Variants in FARP1 observed in about 807,000 individuals in gnomAD.
FARP1 encodes FERM, ARHGEF and pleckstrin domain-containing protein 1.
FARP1 carries 52 observed loss-of-function variants against 128.8 expected under a neutral mutation model. The ratio of observed to expected loss-of-function variants is 0.40; its 90% CI spans 0.32 to 0.51. The LOEUF is 0.51. Among genes scored for constraint, FARP1 ranks in the 20% least tolerant of loss-of-function variants. The pLI, the probability that FARP1 is intolerant of heterozygous loss-of-function variation, is 0.45. For missense variants in FARP1, 1,333 were observed against 1,367.9 expected (o/e 0.97, Z 0.40); for synonymous variants, 580 against 551.8 (o/e 1.05, Z -0.72).
At position 98,256,979 on chromosome 13, in the gene FARP1, A is replaced by G. The variant is rs1377519649; in HGVS notation, c.171+43566A>G. Among the ~76,000 whole-genome samples the G allele has an allele frequency of 1.0e-4, 14 of 136,510 alleles. 1 individual carries two copies. Among genetic ancestry groups the G allele is most frequent in the South Asian group, 6.9e-4 (3 of 4,328 alleles). 89.6% of individuals were successfully genotyped at this position (136,510 alleles called of 152,430 possible). On this transcript the variant is annotated intron_variant, in intron 2 of 26. Coordinates refer to ENST00000319562, the MANE Select transcript of FARP1 (RefSeq NM_005766.4). ...TATATATATATATATATATATATAT[A>G]TATATATATATACCGAAAGATTTCC... is the stretch of plus-strand genomic sequence containing the variant.
intron 18 of FARP1, chr13:98,435,343 C>T (rs1317272482): frequency 3.0e-5 from 12 of 403,142 alleles, no homozygotes; most frequent in Admixed American, 8.4e-5. Flanking sequence ...CTGTATGCCA[C>T]GTCACCATGC....
At chr13:98,234,463 A>G (rs1291025576) in intron 2 of FARP1, 1 of 152,234 alleles carries the variant, frequency 6.6e-6, no homozygotes, top group Non-Finnish European at 1.5e-5. Context: ...AAATATTTTT[A>G]AATGCTCAAA....
rs1173788777 is a variant in FARP1, at chr13:98,264,910, T to C, written c.171+51497T>C. On this transcript the variant is annotated intron_variant, in intron 2 of 26. Transcript: ENST00000319562. ...TCTATAGTCTCAGGCATTATCCCAT[T>C]TGGGAAGTCCACGCCACCTCTGTAC... is the stretch of plus-strand genomic sequence containing the variant. 5.9e-5 allele frequency among the ~76,000 whole-genome samples: 9 copies of C among 152,340 alleles called. 2 individuals carry two copies. The highest frequency in any genetic ancestry group is 2.2e-4 in the African/African-American group (9 of 41,578).
chr13:98,402,605 C>T (rs1015717655), intron 13 of FARP1: 1 of 152,118 alleles, frequency 6.6e-6, no homozygotes, highest in African/African-American at 2.4e-5. Context: ...TGTCACTTTC[C>T]CTGCAGTGAT....
rs75283046 is a variant in FARP1 at position 98,309,576 on chromosome 13, T to C, written c.172-34186T>C. ...GGACAGAGATGGGATAGAGAGAAGC[T>C]GTAGGAAGCAGAAGAGGCTGGTGCG... On this transcript the variant is annotated intron_variant, in intron 2 of 26. Transcript: ENST00000319562. Among the ~76,000 whole-genome samples the C allele has an allele frequency of 0.011, 1,649 of 152,248 alleles. 76 individuals carry two copies. In the East Asian group the frequency reaches 0.12, roughly 11 times the overall value.
At chr13:98,201,607 T>C (rs1339638177) in intron 1 of FARP1, among the ~76,000 whole-genome samples, 1 of 152,204 alleles carries the variant, frequency 6.6e-6, no homozygotes, top group Non-Finnish European at 1.5e-5. Flanking sequence ...TCGGTTTTGA[T>C]TGGACTCAGG....
At chr13:98,181,643 T>TGAGAGA (rs66507306) in intron 1 of FARP1, among the ~76,000 whole-genome samples, 120 of 38,298 alleles carry the variant, frequency 3.1e-3, no homozygotes, top group African/African-American at 0.013. Flanking sequence ...TTTATTTATT[T>TGAGAGA]GAGAGAGAGA....
At chr13:98,154,327 T>G (rs1391666337) in intron 1 of FARP1, among the ~76,000 whole-genome samples, 2 of 152,230 alleles carry the variant, frequency 1.3e-5, no homozygotes, top group African/African-American at 4.8e-5. Flanking sequence ...GTATCGTATT[T>G]TTTATTTTAG....
intron 16 of FARP1, among the ~76,000 whole-genome samples, chr13:98,417,472 A>G (rs1469612411): frequency 1.5e-5 from 2 of 135,954 alleles, no homozygotes; most frequent in East Asian, 1.9e-4. Context: ...AAAAAAAAAA[A>G]AAAAAAAAAA....
chr13:98,229,263 A>G (rs1311973294), intron 2 of FARP1, among the ~76,000 whole-genome samples: 1 of 152,178 alleles, frequency 6.6e-6, no homozygotes, highest in African/African-American at 2.4e-5. Context: ...ACACATCAAG[A>G]ATGGTGTTTG....
intron 5 of FARP1, among the ~76,000 whole-genome samples, chr13:98,373,231 A>G (rs537194830): frequency 6.6e-6 from 1 of 152,308 alleles, no homozygotes; most frequent in East Asian, 1.9e-4. Flanking sequence ...CAGACTGCCC[A>G]TGCGTTTGTC....
chr13:98,288,627 C>A (rs1213287587), intron 2 of FARP1, among the ~76,000 whole-genome samples: 1 of 152,178 alleles, frequency 6.6e-6, no homozygotes, highest in Non-Finnish European at 1.5e-5. Context: ...GGTTTTCTGT[C>A]ATTTTATCCT....
intron 1 of FARP1, among the ~76,000 whole-genome samples, chr13:98,145,893 C>G (rs1266540322): frequency 2.3e-5 from 3 of 130,994 alleles, no homozygotes; most frequent in Non-Finnish European, 3.4e-5. Context: ...AAAAAAGGAA[C>G]TGCCCAAGGA....
At chr13:98,436,133 C>G in intron 19 of FARP1, 1 of 232,886 alleles carries the variant, frequency 4.3e-6, no homozygotes, top group South Asian at 5.3e-5. Flanking sequence ...TTTTAAAATT[C>G]AATCTTCCAT....
intron 2 of FARP1, among the ~76,000 whole-genome samples, chr13:98,218,621 A>G (rs1052935099): frequency 1.3e-5 from 2 of 152,156 alleles, no homozygotes; most frequent in African/African-American, 4.8e-5. Context: ...GTCTACTGTT[A>G]AAGAAAGCTA....
At chr13:98,265,258 G>A (rs150628235) in intron 2 of FARP1, among the ~76,000 whole-genome samples, 1 of 150,768 alleles carries the variant, frequency 6.6e-6, no homozygotes, top group Non-Finnish European at 1.5e-5. Flanking sequence ...TTGTGTTAGC[G>A]ATGCTGGTTA....
chr13:98,382,879 C>T (rs1889941290), intron 6 of FARP1, among the ~76,000 whole-genome samples: 1 of 152,112 alleles, frequency 6.6e-6, no homozygotes, highest in Admixed American at 6.5e-5. Context: ...GTCTTGTGTC[C>T]CCGCGTGCAG....
intron 2 of FARP1, among the ~76,000 whole-genome samples, chr13:98,270,385 C>T (rs1277493887): frequency 6.6e-6 from 1 of 152,098 alleles, no homozygotes; most frequent in Non-Finnish European, 1.5e-5. Context: ...TCTCGGTGCT[C>T]TAAATTCTTT....
chr13:98,242,294 T>G (rs1269061448), intron 2 of FARP1, among the ~76,000 whole-genome samples: 1 of 152,246 alleles, frequency 6.6e-6, no homozygotes, highest in African/African-American at 2.4e-5. Context: ...TTTTTCTCCA[T>G]GCTTTTATCT....
Sources: allele counts gnomAD v4.1 joint callset (sites outside exome capture counted in the v4.1 genomes callset), GRCh38; gene constraint gnomAD v4.1.1; transcripts MANE v1.5; gene names NCBI Gene and HGNC (gene_info 2026-07-23, HGNC 2026-07-21).